NEK10: variants seen among roughly 807,000 people sequenced by gnomAD.
NEK10 encodes the protein serine/threonine-protein kinase Nek10.
A neutral mutation model predicts 159.8 loss-of-function variants in NEK10; 122 were observed. The observed-to-expected ratio is 0.76, with a 90% confidence interval of 0.66 to 0.89. The LOEUF is 0.89. Ranked by LOEUF, NEK10 falls within the 40% of genes least tolerant of loss-of-function variation. The pLI, the probability that NEK10 is intolerant of heterozygous loss-of-function variation, is 0.00. For synonymous variants in NEK10, 466 were observed against 457.1 expected (o/e 1.02, Z -0.25); for missense variants, 1,342 against 1,323.1 (o/e 1.01, Z -0.22).
intron 26 of NEK10, among the ~76,000 whole-genome samples, chr3:27,175,358 G>A (rs1947406288): frequency 6.6e-6 from 1 of 152,110 alleles, no homozygotes; most frequent in Non-Finnish European, 1.5e-5. Context: ...ACTACTGCCT[G>A]GCTTGAACAC....
At chr3:27,214,621 C>A (rs1417963233) in intron 23 of NEK10, among the ~76,000 whole-genome samples, 1 of 150,962 alleles carries the variant, frequency 6.6e-6, no homozygotes, top group Non-Finnish European at 1.5e-5. Context: ...AGAGAAAATA[C>A]AAAACAAGAA....
chr3:27,112,076 G>A (rs970585954), intron 35 of NEK10, among the ~76,000 whole-genome samples: 1 of 152,168 alleles, frequency 6.6e-6, no homozygotes, highest in African/African-American at 2.4e-5. Context: ...CTTGGTCAGA[G>A]GTCCTTGCTG....
rs113655689 is a variant in NEK10 at position 27,282,724 on chromosome 3, T to G, written c.2014+1878A>C. 3.4e-5 allele frequency among the ~76,000 whole-genome samples: 5 copies of G among 146,792 alleles called. No homozygotes were observed. In the Admixed American group the frequency reaches 3.4e-4, roughly 10 times the overall value. ...TGTGTTATATATATATACATAACTG[T>G]GTTATATATATACATAACTGTGTTA... On this transcript the variant is annotated intron_variant, in intron 22 of 35. Transcript: ENST00000691995.
chr3:27,305,107 T>C, intron 11 of NEK10, 136 bp from the exon 12 acceptor site: 1 of 631,282 alleles, frequency 1.6e-6, no homozygotes, highest in Non-Finnish European at 2.8e-6. Flanking sequence ...TGCCATTTTC[T>C]GTAAGGAGCC....
rs1216301867 is a variant in NEK10, at chr3:27,346,184, A to G, written c.165T>C (p.Asn55=). ...TGGCGGGCTCAGACTTCGTCATGCT[A>G]TTTTGGGCACTATCGAAGTTAATGG... The part of the protein sequence containing the change: ...LPAINFDSAQ[N]SMTKSEPAIR... Residue 55 remains asparagine (N), a synonymous_variant, in exon 4 of 36, where the codon AAT becomes AAC. Coordinates refer to ENST00000691995, the MANE Select transcript of NEK10 (RefSeq NM_001394966.1). 1.2e-6 allele frequency: 2 copies of G among 1,613,682 alleles called. No homozygotes were observed. The highest frequency in any genetic ancestry group is 1.1e-5 in the South Asian group (1 of 91,078).
intron 31 of NEK10, among the ~76,000 whole-genome samples, chr3:27,140,147 G>A (rs1943641521): frequency 1.3e-5 from 2 of 152,128 alleles, no homozygotes. Context: ...GAAATAGATG[G>A]TCTGCCTATT....
chr3:27,194,122 A>ATTTTTTTTTTTTT, intron 25 of NEK10: 1 of 139,628 alleles, frequency 7.2e-6, no homozygotes, highest in African/African-American at 2.8e-5. Flanking sequence ...TTTCAGAGAA[A>ATTTTTTTTTTTTT]TTCTTTTTTT....
intron 32 of NEK10, among the ~76,000 whole-genome samples, chr3:27,127,351 GA>G (rs1942087140): frequency 6.6e-6 from 1 of 152,124 alleles, no homozygotes; most frequent in East Asian, 1.9e-4. Context: ...CTTAACAACA[GA>G]AATCCATTCT....
intron 5 of NEK10, among the ~76,000 whole-genome samples, chr3:27,342,142 CACTT>C (rs2047242521): frequency 6.6e-6 from 1 of 152,064 alleles, no homozygotes; most frequent in South Asian, 2.1e-4. Flanking sequence ...CCTTCTTCAC[CACTT>C]ACTTCCTCCC....
chr3:27,299,332 G>T (rs2043616040), intron 13 of NEK10, among the ~76,000 whole-genome samples: 1 of 152,224 alleles, frequency 6.6e-6, no homozygotes, highest in Non-Finnish European at 1.5e-5. Flanking sequence ...CTTCCATGTG[G>T]TGTTGAGTCT....
At chr3:27,315,866 G>C (rs961275228) in intron 6 of NEK10, among the ~76,000 whole-genome samples, 2 of 152,226 alleles carry the variant, frequency 1.3e-5, no homozygotes, top group African/African-American at 4.8e-5. Context: ...CATGTGGGTG[G>C]TGGTCTCTAA....
intron 23 of NEK10, chr3:27,252,975 C>T (rs1188804327): frequency 2.2e-6 from 1 of 458,670 alleles, no homozygotes; most frequent in Non-Finnish European, 4.3e-6. Flanking sequence ...TGTATTATAG[C>T]TTTCTTAAGA....
At chr3:27,122,955 C>T (rs911963602) in intron 32 of NEK10, among the ~76,000 whole-genome samples, 1 of 152,224 alleles carries the variant, frequency 6.6e-6, no homozygotes, top group East Asian at 1.9e-4. Flanking sequence ...TTAGAGAGAT[C>T]GGCACACGGA....
rs1248515440 is a variant in NEK10 at position 27,206,716 on chromosome 3, G to A, written c.2091-4159C>T. 3 of 664,080 alleles carry A rather than the reference G, an allele frequency of 4.5e-6. No individual in the cohort carries two copies. The African/African-American group carries it at 5.9e-5, about 13-fold the overall frequency. The allele number at this position is 664,080 out of a possible 1,614,324, so 41.1% of individuals were successfully genotyped here. A position where few individuals can be genotyped will look rare whatever the true frequency, so the allele number is the denominator to read the frequency against. Reference sequence around the variant, plus strand: ...GTTACAAACCACTGACGAAAATAGGGTTAAAGCAGTGGACTCTAAACAATT... The same window carrying A: ...GTTACAAACCACTGACGAAAATAGGATTAAAGCAGTGGACTCTAAACAATT... On this transcript the variant is annotated intron_variant, in intron 23 of 35. Coordinates refer to ENST00000691995, the MANE Select transcript of NEK10 (RefSeq NM_001394966.1).
chr3:27,351,875 A>T (rs903168224), intron 3 of NEK10, among the ~76,000 whole-genome samples: 2 of 152,160 alleles, frequency 1.3e-5, no homozygotes, highest in Admixed American at 1.3e-4. Context: ...CTCTAATGTC[A>T]TCACTTTCCA....
Position 27,144,870 on chromosome 3 carries a change from C to T in NEK10, c.2870-3288G>A, listed in dbSNP as rs149257241. 4.4e-3 allele frequency among the ~76,000 whole-genome samples: 667 copies of T among 152,206 alleles called. 3 individuals are homozygous for T. Among genetic ancestry groups the T allele is most frequent in the African/African-American group, 0.016 (647 of 41,538 alleles). On this transcript the variant is annotated intron_variant, in intron 30 of 35. Transcript: ENST00000691995. ...CCGTGTAGCTGGGACCACAGGCATG[C>T]ACCACCACACTTGGCTAACTTTTAT...
At chr3:27,264,988 A>T (rs1003542426) in intron 22 of NEK10, among the ~76,000 whole-genome samples, 10 of 152,152 alleles carry the variant, frequency 6.6e-5, no homozygotes, top group Non-Finnish European at 1.3e-4. Context: ...TACATTAAAG[A>T]AGGAAAACCA....
chr3:27,195,799 C>T (rs1949508361), intron 25 of NEK10, among the ~76,000 whole-genome samples: 1 of 152,116 alleles, frequency 6.6e-6, no homozygotes. Flanking sequence ...CTCATTGCCC[C>T]CTTTACCATT....
At chr3:27,185,954 G>A (rs1458851980) in intron 26 of NEK10, among the ~76,000 whole-genome samples, 3 of 152,254 alleles carry the variant, frequency 2.0e-5, no homozygotes, top group Non-Finnish European at 4.4e-5. Flanking sequence ...GACAGAATTA[G>A]TAGAGCTTGC....
Sources: gnomAD v4.1 joint callset for allele counts (sites outside exome capture counted in the v4.1 genomes callset) on GRCh38, gnomAD v4.1.1 for gene constraint, MANE v1.5 for transcripts, NCBI Gene and HGNC (gene_info 2026-07-23, HGNC 2026-07-21) for gene names.